The following DAB1 variants were observed in gnomAD, a reference collection of about 807,000 sequenced individuals.
DAB1 encodes disabled homolog 1.
Under a neutral mutation model 64.6 loss-of-function variants are expected in DAB1, and 15 were observed. The observed-to-expected ratio is 0.23, with a 90% confidence interval of 0.16 to 0.36. The LOEUF is 0.36. Ranked by LOEUF, DAB1 falls within the 10% of genes least tolerant of loss-of-function variation. The pLI is 1.00. For missense variants in DAB1, 596 were observed against 706.7 expected (o/e 0.84, Z 1.78); for synonymous variants, 235 against 251.9 (o/e 0.93, Z 0.64).
chr1:57,965,672 C>G (rs1645646612), intron 5 of DAB1, among the ~76,000 whole-genome samples: 1 of 152,146 alleles, frequency 6.6e-6, no homozygotes, highest in African/African-American at 2.4e-5. Context: ...ATCTCTCCAT[C>G]CAACAACAAT....
At chr1:57,202,327 G>A (rs1256839602) in intron 2 of DAB1, among the ~76,000 whole-genome samples, 2 of 152,168 alleles carry the variant, frequency 1.3e-5, no homozygotes, top group Non-Finnish European at 2.9e-5. Context: ...TGAATGTGCA[G>A]CTTTACATTT....
chr1:58,183,339 A>G (rs762105533), intron 4 of DAB1, among the ~76,000 whole-genome samples: 1 of 151,862 alleles, frequency 6.6e-6, no homozygotes, highest in Non-Finnish European at 1.5e-5. Flanking sequence ...ATGAATAGTT[A>G]GTTAAAGCCT....
chr1:58,531,468 T>C lies in DAB1; in HGVS notation n.33-4133A>G, dbSNP rs188526698. ...TTTGAGTAGTAATATCTAAGTTTAA[T>C]GAACTAGATTGTTCATGGTTTGCCA... is the stretch of plus-strand genomic sequence containing the variant. On this transcript the variant is annotated intron_variant and non_coding_transcript_variant, in intron 1 of 20. Transcript: ENST00000485760. 7.2e-3 allele frequency among the ~76,000 whole-genome samples: 1,101 copies of C among 152,338 alleles called. 19 individuals carry two copies. Among genetic ancestry groups the C allele is most frequent in the African/African-American group, 0.025 (1,038 of 41,580 alleles).
chr1:58,491,822 T>G (rs1192788546), intron 3 of DAB1, among the ~76,000 whole-genome samples: 2 of 152,194 alleles, frequency 1.3e-5, no homozygotes, highest in Non-Finnish European at 2.9e-5. Context: ...AATGGGAGAC[T>G]TTAACACCCC....
intron 3 of DAB1, among the ~76,000 whole-genome samples, chr1:58,488,139 T>C (rs1410686866): frequency 6.6e-6 from 1 of 152,192 alleles, no homozygotes; most frequent in East Asian, 1.9e-4. Flanking sequence ...TAAAAACTCA[T>C]GAAAATATAA....
intron 5 of DAB1, among the ~76,000 whole-genome samples, chr1:58,066,349 G>A (rs1467339141): frequency 1.3e-5 from 2 of 152,212 alleles, no homozygotes; most frequent in African/African-American, 2.4e-5. Flanking sequence ...TTGGGGTTGG[G>A]AAGAGAGATT....
intron 3 of DAB1, among the ~76,000 whole-genome samples, chr1:58,358,475 A>C (rs1644132144): frequency 6.6e-6 from 1 of 152,148 alleles, no homozygotes; most frequent in Non-Finnish European, 1.5e-5. Context: ...ACTGAACATG[A>C]CTCATCTGAA....
At chr1:57,517,501 A>G (rs1644476716) in intron 7 of DAB1, among the ~76,000 whole-genome samples, 1 of 152,220 alleles carries the variant, frequency 6.6e-6, no homozygotes, top group South Asian at 2.1e-4. Flanking sequence ...GGAAGAGAGT[A>G]GGTGAAAGGT....
intron 4 of DAB1, among the ~76,000 whole-genome samples, chr1:58,289,980 G>A (rs1000584900): frequency 6.6e-6 from 1 of 152,188 alleles, no homozygotes; most frequent in Non-Finnish European, 1.5e-5. Context: ...ATTATGGAAA[G>A]AGAGCCCTGG....
intron 2 of DAB1, among the ~76,000 whole-genome samples, chr1:57,177,377 T>C (rs892619150): frequency 6.6e-6 from 1 of 152,156 alleles, no homozygotes; most frequent in Admixed American, 6.6e-5. Context: ...TTTTCTCTTG[T>C]TAATCTGTCT....
intron 6 of DAB1, among the ~76,000 whole-genome samples, chr1:57,807,567 C>T (rs1651420531): frequency 6.6e-6 from 1 of 152,242 alleles, no homozygotes; most frequent in Non-Finnish European, 1.5e-5. Flanking sequence ...CAAATACTGC[C>T]TCATCATATC....
intron 6 of DAB1, among the ~76,000 whole-genome samples, chr1:57,699,267 T>C (rs115601974): frequency 1.3e-5 from 2 of 152,184 alleles, no homozygotes; most frequent in African/African-American, 4.8e-5. Flanking sequence ...CTTTTTAACA[T>C]GCAACTTACT....
At chr1:57,607,608 T>C (rs1645673175) in intron 7 of DAB1, among the ~76,000 whole-genome samples, 2 of 152,330 alleles carry the variant, frequency 1.3e-5, no homozygotes, top group South Asian at 4.1e-4. Flanking sequence ...GCTCCTACTT[T>C]AGGTCTTTCT....
chr1:57,068,050 C>A (rs2100585224), intron 8 of DAB1, among the ~76,000 whole-genome samples: 1 of 152,182 alleles, frequency 6.6e-6, no homozygotes, highest in Admixed American at 6.5e-5. Context: ...TGTCTCCCTC[C>A]CCACCCCGCC....
At chr1:58,420,062 T>A (rs1644757648) in intron 3 of DAB1, among the ~76,000 whole-genome samples, 1 of 152,212 alleles carries the variant, frequency 6.6e-6, no homozygotes, top group South Asian at 2.1e-4. Context: ...CCTGGAGTGG[T>A]TTTACTCTCA....
intron 1 of DAB1, among the ~76,000 whole-genome samples, chr1:57,879,208 A>G (rs886649724): frequency 4.6e-5 from 7 of 152,142 alleles, no homozygotes; most frequent in African/African-American, 9.7e-5. Context: ...TTCCCCTAAC[A>G]ATTAAATTGG....
chr1:57,100,168 C>T (rs1654536686), intron 4 of DAB1, among the ~76,000 whole-genome samples: 1 of 152,108 alleles, frequency 6.6e-6, no homozygotes, highest in African/African-American at 2.4e-5. Context: ...TTGGTTTCCC[C>T]ATCTGTAAAA....
intron 9 of DAB1, 148 bp downstream of exon 9, chr1:57,062,736 T>G: frequency 1.5e-6 from 1 of 676,492 alleles, no homozygotes. Context: ...TCTGGCCCAC[T>G]GAAGATGCCC....
At chr1:57,547,807 G>C (rs1051445544) in intron 7 of DAB1, among the ~76,000 whole-genome samples, 1 of 152,154 alleles carries the variant, frequency 6.6e-6, no homozygotes, top group African/African-American at 2.4e-5. Flanking sequence ...TCAATATTAG[G>C]AGAAACTGAG....
Sources: allele counts gnomAD v4.1 joint callset (sites outside exome capture counted in the v4.1 genomes callset), GRCh38; gene constraint gnomAD v4.1.1; transcripts MANE v1.5; gene names NCBI Gene and HGNC (gene_info 2026-07-23, HGNC 2026-07-21).